The following CHCHD3 variants were observed in gnomAD, a reference collection of about 807,000 sequenced individuals.
CHCHD3 encodes MICOS complex subunit MIC19.
Under a neutral mutation model 38.2 loss-of-function variants are expected in CHCHD3, and 20 were observed. That is an observed-to-expected ratio of 0.52 (90% CI 0.37 to 0.76). The LOEUF (loss-of-function observed/expected upper bound fraction) is 0.76, where lower values mean the gene tolerates loss of function less well. Among genes scored for constraint, CHCHD3 ranks in the 30% least tolerant of loss-of-function variants. CHCHD3 has a pLI of 0.00. For synonymous variants in CHCHD3, 82 were observed against 100.0 expected (o/e 0.82, Z 1.07); for missense variants, 245 against 279.2 (o/e 0.88, Z 0.87).
chr7:132,896,257 A>G (rs1219473175), intron 4 of CHCHD3, among the ~76,000 whole-genome samples: 2 of 152,286 alleles, frequency 1.3e-5, no homozygotes, highest in African/African-American at 4.8e-5. Context: ...TCTATCACAT[A>G]TAAGACTTTG....
chr7:133,045,002 A>C (rs1813943016), intron 2 of CHCHD3, among the ~76,000 whole-genome samples: 1 of 152,238 alleles, frequency 6.6e-6, no homozygotes, highest in South Asian at 2.1e-4. Flanking sequence ...GCTGAGCGGT[A>C]AATGTGCTCA....
At chr7:132,871,595 C>T (rs903749863) in intron 5 of CHCHD3, among the ~76,000 whole-genome samples, 1 of 152,166 alleles carries the variant, frequency 6.6e-6, no homozygotes. Flanking sequence ...AGTGCTACTC[C>T]GTTCTCACTT....
intron 3 of CHCHD3, among the ~76,000 whole-genome samples, chr7:133,005,069 T>C (rs1812665942): frequency 6.6e-6 from 1 of 152,176 alleles, no homozygotes; most frequent in Non-Finnish European, 1.5e-5. Context: ...CAGTATTTAG[T>C]GCTTTTAAAA....
chr7:132,967,749 G>C (rs1811507524), intron 4 of CHCHD3, among the ~76,000 whole-genome samples: 1 of 151,364 alleles, frequency 6.6e-6, no homozygotes, highest in Admixed American at 6.6e-5. Flanking sequence ...AGGATCACTT[G>C]AGCCTGGGAG....
chr7:132,929,790 G>A (rs1033856139), intron 4 of CHCHD3, among the ~76,000 whole-genome samples: 2 of 152,164 alleles, frequency 1.3e-5, no homozygotes, highest in African/African-American at 4.8e-5. Flanking sequence ...AGTGGGCACA[G>A]GAAGCTTTCC....
rs181682199 is a variant in CHCHD3 at position 132,882,836 on chromosome 7, C to G, written c.453+2826G>C. ...ATCACCTCAAAAACTTTCACTTTCA[C>G]TCATTTAACATTTACTAACTCTGAT... On this transcript the variant is annotated intron_variant, in intron 5 of 7. Coordinates refer to ENST00000262570, the MANE Select transcript of CHCHD3 (RefSeq NM_017812.4). Among the ~76,000 whole-genome samples the G allele has an allele frequency of 3.3e-5, 5 of 152,204 alleles. No individual in the cohort carries two copies. The East Asian group carries it at 9.7e-4, about 29-fold the overall frequency.
At chr7:132,960,967 G>A (rs1811301508) in intron 4 of CHCHD3, among the ~76,000 whole-genome samples, 2 of 151,668 alleles carry the variant, frequency 1.3e-5, no homozygotes, top group South Asian at 2.1e-4. Flanking sequence ...AGACTCTATC[G>A]CCAAAACAAA....
At chr7:133,012,908 G>A (rs1296561999) in intron 3 of CHCHD3, among the ~76,000 whole-genome samples, 2 of 151,526 alleles carry the variant, frequency 1.3e-5, no homozygotes, top group African/African-American at 4.8e-5. Flanking sequence ...GGTCAGGGCT[G>A]GGAGTGGTGT....
At chr7:133,008,566 A>G (rs1164579033) in intron 3 of CHCHD3, among the ~76,000 whole-genome samples, 2 of 152,244 alleles carry the variant, frequency 1.3e-5, no homozygotes, top group African/African-American at 4.8e-5. Context: ...CTTACAATGC[A>G]TAAGAATATG....
intron 3 of CHCHD3, among the ~76,000 whole-genome samples, chr7:132,999,763 A>G (rs1313424877): frequency 6.6e-6 from 1 of 152,154 alleles, no homozygotes; most frequent in Non-Finnish European, 1.5e-5. Flanking sequence ...TCTAATGTCT[A>G]AACTTTCATT....
chr7:132,862,334 C>T (rs1727340808), intron 5 of CHCHD3, among the ~76,000 whole-genome samples: 1 of 152,200 alleles, frequency 6.6e-6, no homozygotes, highest in South Asian at 2.1e-4. Flanking sequence ...TGGTTTCACA[C>T]TATCACAATA....
At chr7:132,934,153 G>T (rs555069194) in intron 4 of CHCHD3, among the ~76,000 whole-genome samples, 1 of 152,302 alleles carries the variant, frequency 6.6e-6, no homozygotes, top group South Asian at 2.1e-4. Context: ...ATTTGCCTAA[G>T]GATTCACCTG....
chr7:133,024,664 T>A, intron 2 of CHCHD3, 37 bp from the exon 3 acceptor site: 5 of 1,431,104 alleles, frequency 3.5e-6, no homozygotes, highest in Non-Finnish European at 4.9e-6. Context: ...ATAAAATAGG[T>A]GACTTCTTAA....
At chr7:133,062,818 TG>T (rs1814556010) in intron 2 of CHCHD3, among the ~76,000 whole-genome samples, 1 of 152,150 alleles carries the variant, frequency 6.6e-6, no homozygotes. Context: ...CCGGCCCACT[TG>T]ATTTCATACC....
intron 5 of CHCHD3, among the ~76,000 whole-genome samples, chr7:132,857,472 G>A (rs1188035368): frequency 6.6e-6 from 1 of 152,026 alleles, no homozygotes; most frequent in African/African-American, 2.4e-5. Flanking sequence ...CAATGGTGTG[G>A]TCTTGGCTCA....
At chr7:132,892,818 G>C (rs901510870) in intron 4 of CHCHD3, among the ~76,000 whole-genome samples, 1 of 152,236 alleles carries the variant, frequency 6.6e-6, no homozygotes, top group African/African-American at 2.4e-5. Context: ...GCTTTCATGT[G>C]ATGTTGGGCC....
At chr7:132,864,857 T>A (rs962636874) in intron 5 of CHCHD3, among the ~76,000 whole-genome samples, 1 of 152,090 alleles carries the variant, frequency 6.6e-6, no homozygotes, top group Non-Finnish European at 1.5e-5. Flanking sequence ...AAATAAAATA[T>A]AAAAACTTCT....
At chr7:132,947,120 A>T (rs1810920739) in intron 4 of CHCHD3, among the ~76,000 whole-genome samples, 1 of 151,998 alleles carries the variant, frequency 6.6e-6, no homozygotes, top group Non-Finnish European at 1.5e-5. Flanking sequence ...TTTTTAAAGC[A>T]AGTAGACAAT....
At chr7:132,948,500 T>C (rs1472767380) in intron 4 of CHCHD3, among the ~76,000 whole-genome samples, 2 of 152,096 alleles carry the variant, frequency 1.3e-5, no homozygotes, top group African/African-American at 2.4e-5. Flanking sequence ...AGAGGGAATA[T>C]ATAATGTGTA....
Sources: allele counts gnomAD v4.1 joint callset (sites outside exome capture counted in the v4.1 genomes callset), GRCh38; gene constraint gnomAD v4.1.1; transcripts MANE v1.5; gene names NCBI Gene and HGNC (gene_info 2026-07-23, HGNC 2026-07-21).